Variants in SOCS6 observed in about 807,000 individuals in gnomAD.
SOCS6 encodes STAT induced STAT inhibitor-4.
SOCS6 carries 5 observed loss-of-function variants against 27.7 expected under a neutral mutation model. The ratio of observed to expected loss-of-function variants is 0.18; its 90% CI spans 0.09 to 0.38. The LOEUF (loss-of-function observed/expected upper bound fraction) is 0.38, where lower values mean the gene tolerates loss of function less well. SOCS6 is among the 10% of genes least tolerant of loss of function. The pLI is 1.00. For synonymous variants in SOCS6, 271 were observed against 260.0 expected, an observed-to-expected ratio of 1.04 and a Z score of -0.41; for missense variants, 595 against 688.1, an observed-to-expected ratio of 0.86 and a Z score of 1.51.
chr18:70,319,815 A>G (rs1238898982), intron 1 of SOCS6, among the ~76,000 whole-genome samples: 3 of 152,138 alleles, frequency 2.0e-5, no homozygotes, highest in South Asian at 4.1e-4. Flanking sequence ...ATTGCTGGCT[A>G]CACTAGCTAA....
chr18:70,311,835 T>C (rs961774359), intron 1 of SOCS6, among the ~76,000 whole-genome samples: 7 of 152,220 alleles, frequency 4.6e-5, no homozygotes, highest in African/African-American at 1.4e-4. Context: ...CTGATGATTT[T>C]TTTTTATGGT....
At position 70,290,620 on chromosome 18, in the gene SOCS6, G is replaced by A. The variant is rs151025580; in HGVS notation, c.-127+1530G>A. On this transcript the variant is annotated intron_variant, in intron 1 of 1. Coordinates refer to ENST00000397942, the MANE Select transcript of SOCS6 (RefSeq NM_004232.4). ...TGGTTCAAACACCCTCCCTAAGCCT[G>A]CCTTGGTGCCTTGGAGGAACCTGGT... Among the ~76,000 whole-genome samples the A allele has an allele frequency of 2.7e-3, 411 of 152,254 alleles. 4 individuals carry two copies. Among genetic ancestry groups the A allele is most frequent in the African/African-American group, 9.4e-3 (392 of 41,528 alleles).
chr18:70,297,598 C>T (rs775397913), intron 1 of SOCS6, among the ~76,000 whole-genome samples: 10 of 152,100 alleles, frequency 6.6e-5, no homozygotes, highest in East Asian at 1.9e-4. Context: ...ATCAAGAGAT[C>T]GCATCTTTGG....
At chr18:70,306,794 T>G (rs1247911660) in intron 1 of SOCS6, among the ~76,000 whole-genome samples, 1 of 152,252 alleles carries the variant, frequency 6.6e-6, no homozygotes, top group Non-Finnish European at 1.5e-5. Flanking sequence ...TCAATAGGTG[T>G]TGTCAATGCC....
At chr18:70,312,756 G>A (rs997073231) in intron 1 of SOCS6, among the ~76,000 whole-genome samples, 2 of 147,942 alleles carry the variant, frequency 1.4e-5, no homozygotes, top group African/African-American at 2.5e-5. Flanking sequence ...TTTCCATTAC[G>A]CCAAAATTCT....
At chr18:70,294,545 T>G (rs1187360123) in intron 1 of SOCS6, among the ~76,000 whole-genome samples, 3 of 152,262 alleles carry the variant, frequency 2.0e-5, no homozygotes, top group African/African-American at 7.2e-5. Flanking sequence ...AAAAGTAGTA[T>G]TCTGATTAAT....
chr18:70,329,744 G>A lies in SOCS6; in HGVS notation c.*3468G>A, dbSNP rs1297262620. On this transcript the variant is annotated 3_prime_UTR_variant, in exon 2 of 2. Transcript: ENST00000397942. The stretch of plus-strand genomic sequence containing the variant: ...TGGTACACTAGCAATCACAAATATG[G>A]TTTCTTTTAATACTTTTTTAATCCT... 1 of 166,926 alleles carries A rather than the reference G, an allele frequency of 6.0e-6. No homozygotes were observed. The allele number at this position is 166,926 out of a possible 1,614,324, so 10.3% of individuals were successfully genotyped here.
intron 1 of SOCS6, among the ~76,000 whole-genome samples, chr18:70,313,839 C>T (rs2062400238): frequency 6.6e-6 from 1 of 152,190 alleles, no homozygotes; most frequent in South Asian, 2.1e-4. Flanking sequence ...ACAAAGTTCA[C>T]TGTCATTTTG....
At chr18:70,309,388 A>T (rs549627701) in intron 1 of SOCS6, among the ~76,000 whole-genome samples, 1 of 151,922 alleles carries the variant, frequency 6.6e-6, no homozygotes, top group South Asian at 2.1e-4. Context: ...ATTCCATTGG[A>T]TTTATGTTTG....
chr18:70,298,491 G>A (rs1390171007), intron 1 of SOCS6, among the ~76,000 whole-genome samples: 2 of 152,120 alleles, frequency 1.3e-5, no homozygotes, highest in African/African-American at 4.8e-5. Context: ...CTGGAGGTCA[G>A]GATGTATTAT....
At chr18:70,291,830 A>G (rs1187349876) in intron 1 of SOCS6, among the ~76,000 whole-genome samples, 1 of 152,234 alleles carries the variant, frequency 6.6e-6, no homozygotes, top group Non-Finnish European at 1.5e-5. Flanking sequence ...AGAAATTCCA[A>G]ATACTAGTAT....
intron 1 of SOCS6, among the ~76,000 whole-genome samples, chr18:70,298,936 C>A (rs1184679465): frequency 1.3e-5 from 2 of 152,044 alleles, no homozygotes; most frequent in Non-Finnish European, 2.9e-5. Context: ...ACCAGCCTGA[C>A]CAACGTGGCA....
intron 1 of SOCS6, among the ~76,000 whole-genome samples, chr18:70,317,501 T>TACGTATATATAC (rs2062416904): frequency 7.5e-6 from 1 of 133,018 alleles, no homozygotes; most frequent in African/African-American, 3.0e-5. Context: ...TACACATATA[T>TACGTATATATAC]ACATACATAT....
Position 70,324,569 on chromosome 18 carries a change from C to A in SOCS6, c.-100C>A. 2 of 749,308 alleles carry A rather than the reference C, an allele frequency of 2.7e-6. No individual in the cohort carries two copies. Among genetic ancestry groups the A allele is most frequent in the Non-Finnish European group, 4.3e-6 (2 of 466,058 alleles). 46.4% of individuals were successfully genotyped at this position (749,308 alleles called of 1,614,324 possible). ...AAATGGCTCCAAAGGTTAAATGAAG[C>A]AGGAAAAATACATAGATGCAGCCTT... On this transcript the variant is annotated 5_prime_UTR_variant, in exon 2 of 2. Transcript: ENST00000397942.
intron 1 of SOCS6, among the ~76,000 whole-genome samples, chr18:70,298,001 A>G (rs1293826389): frequency 1.3e-5 from 2 of 152,198 alleles, no homozygotes; most frequent in Non-Finnish European, 2.9e-5. Flanking sequence ...TGCTCTTTAA[A>G]TTAGAGCTTT....
intron 1 of SOCS6, among the ~76,000 whole-genome samples, chr18:70,314,865 G>GTGTA (rs1432649371): frequency 1.2e-3 from 183 of 150,270 alleles, no homozygotes; most frequent in Non-Finnish European, 1.5e-3. Context: ...GATTTTGTGT[G>GTGTA]TATATATATA....
At chr18:70,319,945 C>T (rs1910915094) in intron 1 of SOCS6, among the ~76,000 whole-genome samples, 2 of 152,004 alleles carry the variant, frequency 1.3e-5, no homozygotes, top group Non-Finnish European at 2.9e-5. Flanking sequence ...ATGAGTCTGT[C>T]ACTTCATTAA....
At chr18:70,299,362 C>T (rs2062338100) in intron 1 of SOCS6, among the ~76,000 whole-genome samples, 1 of 152,120 alleles carries the variant, frequency 6.6e-6, no homozygotes, top group African/African-American at 2.4e-5. Context: ...TTATTAAGGG[C>T]ACAACTCAGC....
chr18:70,295,084 T>G (rs2062317383), intron 1 of SOCS6, among the ~76,000 whole-genome samples: 1 of 152,186 alleles, frequency 6.6e-6, no homozygotes, highest in African/African-American at 2.4e-5. Context: ...ATCCTGAAAT[T>G]TTCCAGCAGA....
Sources: gnomAD v4.1 joint callset for allele counts (sites outside exome capture counted in the v4.1 genomes callset) on GRCh38, gnomAD v4.1.1 for gene constraint, MANE v1.5 for transcripts, NCBI Gene and HGNC (gene_info 2026-07-23, HGNC 2026-07-21) for gene names.